ESRRG: variants seen among roughly 807,000 people sequenced by gnomAD.
The protein encoded by ESRRG is estrogen related receptor gamma.
A neutral mutation model predicts 44.0 loss-of-function variants in ESRRG; 13 were observed. That is an observed-to-expected ratio of 0.30 (90% CI 0.19 to 0.47). ESRRG has a LOEUF of 0.47. ESRRG is among the 20% of genes least tolerant of loss of function. The probability of loss-of-function intolerance (pLI) is 1.00; values close to 1 mark genes in which losing one functional copy is unlikely to be tolerated. For synonymous variants in ESRRG, 215 were observed against 214.6 expected, an observed-to-expected ratio of 1.00 and a Z score of -0.02; for missense variants, 395 against 580.6, an observed-to-expected ratio of 0.68 and a Z score of 3.29.
chr1:216,808,659 A>C (rs888287675), intron 2 of ESRRG, among the ~76,000 whole-genome samples: 1 of 152,112 alleles, frequency 6.6e-6, no homozygotes, highest in Non-Finnish European at 1.5e-5. Context: ...CCTGGGCTCA[A>C]GCTATCTGCC....
chr1:217,044,664 C>A (rs919061998), intron 1 of ESRRG, among the ~76,000 whole-genome samples: 2 of 152,076 alleles, frequency 1.3e-5, no homozygotes, highest in Admixed American at 1.3e-4. Context: ...AGTCTGAGTC[C>A]ATTTTCATAT....
intron 2 of ESRRG, among the ~76,000 whole-genome samples, chr1:216,775,808 G>A (rs11117674): frequency 5.9e-5 from 9 of 151,522 alleles, no homozygotes; most frequent in Admixed American, 1.3e-4. Context: ...CAAGTAATCC[G>A]CCTTTCTTGG....
At chr1:217,014,506 C>T (rs2079069986) in intron 1 of ESRRG, among the ~76,000 whole-genome samples, 1 of 152,110 alleles carries the variant, frequency 6.6e-6, no homozygotes, top group Admixed American at 6.6e-5. Context: ...ATGGCTTTCT[C>T]TCATTGGTTG....
intron 1 of ESRRG, among the ~76,000 whole-genome samples, chr1:217,022,121 A>G (rs6604651): frequency 0.5 from 76,125 of 152,118 alleles, 19,285 homozygotes; most frequent in Middle Eastern, 0.57. Context: ...TTGGTTAAGG[A>G]AAAAATAAGG....
intron 2 of ESRRG, among the ~76,000 whole-genome samples, chr1:216,663,361 T>C (rs769668530): frequency 1.3e-5 from 2 of 152,136 alleles, no homozygotes; most frequent in African/African-American, 2.4e-5. Flanking sequence ...GTAAATAGTA[T>C]GCACTGAAAA....
chr1:216,852,233 T>A (rs548663192), intron 2 of ESRRG, among the ~76,000 whole-genome samples: 2 of 152,328 alleles, frequency 1.3e-5, no homozygotes, highest in Non-Finnish European at 2.9e-5. Flanking sequence ...TGATAAAGGT[T>A]GGCTTCTTCA....
At chr1:216,848,896 T>C (rs1235363625) in intron 2 of ESRRG, among the ~76,000 whole-genome samples, 3 of 152,242 alleles carry the variant, frequency 2.0e-5, no homozygotes, top group Non-Finnish European at 2.9e-5. Context: ...TTTACTAATA[T>C]TGTCCTTCAT....
At chr1:216,581,905 C>T (rs1173103705) in intron 3 of ESRRG, among the ~76,000 whole-genome samples, 1 of 152,138 alleles carries the variant, frequency 6.6e-6, no homozygotes, top group Non-Finnish European at 1.5e-5. Context: ...TCAGGCCACC[C>T]GTTTCTAGTC....
chr1:217,071,656 GC>G (rs755169480), intron 1 of ESRRG, among the ~76,000 whole-genome samples: 1 of 152,110 alleles, frequency 6.6e-6, no homozygotes, highest in Non-Finnish European at 1.5e-5. Flanking sequence ...ATAGGATGTT[GC>G]CCCATCAAAT....
chr1:216,733,444 G>A lies in ESRRG; in HGVS notation c.-13-55953C>T, dbSNP rs370916701. Among the ~76,000 whole-genome samples the A allele has an allele frequency of 4.3e-4, 66 of 152,166 alleles. 1 individual carries two copies. The highest frequency in any genetic ancestry group is 1.5e-3 in the African/African-American group (64 of 41,518). On this transcript the variant is annotated intron_variant, in intron 2 of 7. Coordinates refer to the ESRRG transcript ENST00000359162. Reference sequence around the variant, plus strand: ...ACTGCCCACGTTCTGCCCCAACATTGACTTCATTGCCGTCATTGAGCAGTT... The same window carrying A: ...ACTGCCCACGTTCTGCCCCAACATTAACTTCATTGCCGTCATTGAGCAGTT...
intron 1 of ESRRG, among the ~76,000 whole-genome samples, chr1:216,989,231 G>C (rs768122809): frequency 2.0e-5 from 3 of 151,916 alleles, no homozygotes; most frequent in African/African-American, 7.3e-5. Context: ...TGGATTGTTT[G>C]AGCCCCAGAG....
intron 2 of ESRRG, among the ~76,000 whole-genome samples, chr1:216,908,698 G>A (rs183878489): frequency 1.2e-3 from 178 of 152,104 alleles, no homozygotes; most frequent in African/African-American, 4.1e-3. Context: ...AACAAAGAAA[G>A]ACAAACTAAA....
chr1:216,817,245 A>G (rs959726310), intron 2 of ESRRG, among the ~76,000 whole-genome samples: 2 of 152,188 alleles, frequency 1.3e-5, no homozygotes, highest in African/African-American at 4.8e-5. Context: ...ATGCAAATGA[A>G]CTGCTGAACT....
intron 2 of ESRRG, among the ~76,000 whole-genome samples, chr1:216,843,516 C>A (rs537880647): frequency 6.6e-6 from 1 of 152,230 alleles, no homozygotes; most frequent in African/African-American, 2.4e-5. Context: ...GGGTCAAAAT[C>A]TCTCACAAAA....
intron 3 of ESRRG, among the ~76,000 whole-genome samples, chr1:216,613,534 C>T (rs1415665486): frequency 1.7e-4 from 26 of 152,268 alleles, no homozygotes; most frequent in Non-Finnish European, 5.9e-5. Flanking sequence ...AAAATCTTTA[C>T]GTATGAGACC....
At chr1:217,101,631 A>C (rs553345235) in intron 1 of ESRRG, among the ~76,000 whole-genome samples, 9 of 152,108 alleles carry the variant, frequency 5.9e-5, no homozygotes, top group Non-Finnish European at 1.0e-4. Flanking sequence ...AACCAAATCT[A>C]TCTCAAATGC....
chr1:217,012,153 A>G (rs2078713805), intron 1 of ESRRG, among the ~76,000 whole-genome samples: 1 of 152,184 alleles, frequency 6.6e-6, no homozygotes, highest in African/African-American at 2.4e-5. Flanking sequence ...CCATTTCTTA[A>G]TAAATCTGCC....
chr1:216,717,895 C>T (rs776403902), intron 1 of ESRRG, among the ~76,000 whole-genome samples: 6 of 151,702 alleles, frequency 4.0e-5, no homozygotes, highest in African/African-American at 7.3e-5. Flanking sequence ...ATTTGTCAGG[C>T]CCAATTGTGT....
At chr1:216,644,852 GAA>G (rs2067213479) in intron 3 of ESRRG, among the ~76,000 whole-genome samples, 3 of 152,078 alleles carry the variant, frequency 2.0e-5, no homozygotes, top group Non-Finnish European at 4.4e-5. Flanking sequence ...TCCTCCATAG[GAA>G]ATATTTAGAA....
Sources: allele counts gnomAD v4.1 joint callset (sites outside exome capture counted in the v4.1 genomes callset), GRCh38; gene constraint gnomAD v4.1.1; transcripts MANE v1.5; gene names NCBI Gene and HGNC (gene_info 2026-07-23, HGNC 2026-07-21).